ZMIZ1: variants seen among roughly 807,000 people sequenced by gnomAD.
The protein encoded by ZMIZ1 is zinc finger MIZ domain-containing protein 1.
Under a neutral mutation model 113.9 loss-of-function variants are expected in ZMIZ1, and 17 were observed. That is an observed-to-expected ratio of 0.15 (90% CI 0.10 to 0.22). The LOEUF is 0.22. Among genes scored for constraint, ZMIZ1 ranks in the 10% least tolerant of loss-of-function variants. The pLI is 1.00. For synonymous variants in ZMIZ1, 607 were observed against 603.1 expected, an observed-to-expected ratio of 1.01 and a Z score of -0.09; for missense variants, 1,059 against 1,477.8, an observed-to-expected ratio of 0.72 and a Z score of 4.65.
chr10:79,290,987 A>G lies in ZMIZ1; in HGVS notation c.569A>G (p.Asn190Ser), dbSNP rs1853456705. ...CTTGGGAACCCTATGGCCAATGCCA[A>G]CAACCCCATGAATCCAGGCGGCAAC... ...QVLGNPMANA[N>S]NPMNPGGNPM... Residue 190 changes from asparagine to serine, a missense_variant, in exon 10 of 25, where the codon AAC becomes AGC. Asn to Ser is a conservative substitution (Grantham distance 46). Transcript: ENST00000334512. The G allele has an allele frequency of 6.2e-7, 1 of 1,614,144 alleles. No individual in the cohort carries two copies. The highest frequency in any genetic ancestry group is 8.5e-7 in the Non-Finnish European group (1 of 1,180,004).
At chr10:79,150,046 C>T (rs1270695385) in intron 3 of ZMIZ1, among the ~76,000 whole-genome samples, 3 of 152,220 alleles carry the variant, frequency 2.0e-5, no homozygotes, top group Non-Finnish European at 2.9e-5. Context: ...GCTCGGCCCT[C>T]CCTCTCCCCT....
At chr10:79,287,765 T>C (rs1308043585) in intron 8 of ZMIZ1, among the ~76,000 whole-genome samples, 1 of 151,850 alleles carries the variant, frequency 6.6e-6, no homozygotes, top group African/African-American at 2.4e-5. Context: ...AAACACAGAG[T>C]AGAGTGGGGA....
At chr10:79,147,371 G>C (rs1426815782) in intron 3 of ZMIZ1, among the ~76,000 whole-genome samples, 2 of 152,292 alleles carry the variant, frequency 1.3e-5, no homozygotes, top group East Asian at 3.9e-4. Context: ...GAAAGACAGA[G>C]TCCTCACCAG....
chr10:79,124,570 A>G (rs956506592), intron 2 of ZMIZ1, among the ~76,000 whole-genome samples: 2 of 152,224 alleles, frequency 1.3e-5, no homozygotes. Context: ...GGTATCCAAT[A>G]GTGAATCTTC....
rs193272940 is a variant in ZMIZ1, at chr10:79,171,551, C to T, written c.-50+9418C>T. On this transcript the variant is annotated intron_variant, in intron 4 of 24. Transcript: ENST00000334512. The stretch of plus-strand genomic sequence containing the variant: ...CCTACTATTTGTGTGGGTCTGTGCT[C>T]GGCTCTTCAGGAGACAAAGAAACAG... Among the ~76,000 whole-genome samples the T allele has an allele frequency of 2.6e-3, 392 of 152,306 alleles. 1 individual carries two copies. The highest frequency in any genetic ancestry group is 4.7e-3 in the Non-Finnish European group (320 of 68,026).
chr10:79,209,420 A>G (rs1477641932), intron 6 of ZMIZ1, among the ~76,000 whole-genome samples: 1 of 152,232 alleles, frequency 6.6e-6, no homozygotes, highest in Non-Finnish European at 1.5e-5. Flanking sequence ...GTCCCCAGCC[A>G]TGTGGCCTGT....
intron 1 of ZMIZ1, among the ~76,000 whole-genome samples, chr10:79,087,087 T>C (rs1724552373): frequency 6.6e-6 from 1 of 152,278 alleles, no homozygotes; most frequent in African/African-American, 2.4e-5. Context: ...CTACCTGCCT[T>C]AACCCCAGGC....
chr10:79,094,146 C>G (rs554330683), intron 1 of ZMIZ1, among the ~76,000 whole-genome samples: 2 of 152,230 alleles, frequency 1.3e-5, no homozygotes, highest in Non-Finnish European at 2.9e-5. Context: ...AGTAAGAGAG[C>G]GCTGCTGCTG....
chr10:79,243,252 CGCGCCCCGT>C (rs1347076340), intron 7 of ZMIZ1, among the ~76,000 whole-genome samples: 2 of 150,388 alleles, frequency 1.3e-5, no homozygotes, highest in South Asian at 2.1e-4. Flanking sequence ...GTTTCTCCGG[CGCGCCCCGT>C]GCGCCCCCGC....
chr10:79,126,207 T>C (rs946039064), intron 2 of ZMIZ1, among the ~76,000 whole-genome samples: 1 of 152,188 alleles, frequency 6.6e-6, no homozygotes, highest in Non-Finnish European at 1.5e-5. Flanking sequence ...TGGTCAGGGC[T>C]AGGGGCAACG....
At position 79,297,621 on chromosome 10, in the gene ZMIZ1, G is replaced by C. The variant is rs1325871160; in HGVS notation, c.1422G>C (p.Gln474His). The part of the protein sequence containing the change: ...VNMGQYYKPE[Q>H]FNGQNNTFSG... Reference sequence around the variant, plus strand: ...TTATCTTGTTTTAATAGCCAGAACAGTTTAATGGACAAAATAACACGTTCT... The same window carrying C: ...TTATCTTGTTTTAATAGCCAGAACACTTTAATGGACAAAATAACACGTTCT... Residue 474 changes from glutamine (Q) to histidine (H), a missense_variant, in exon 14 of 25, where the codon CAG (glutamine) becomes CAC (histidine). Transcript: ENST00000334512. 6.2e-7 allele frequency: 1 copy of C among 1,614,080 alleles called. No individual in the cohort carries two copies. Among genetic ancestry groups the C allele is most frequent in the East Asian group, 2.2e-5 (1 of 44,888 alleles).
At chr10:79,140,634 C>A (rs1008150495) in intron 3 of ZMIZ1, among the ~76,000 whole-genome samples, 2 of 152,170 alleles carry the variant, frequency 1.3e-5, no homozygotes, top group Admixed American at 1.3e-4. Context: ...TCCACCCATT[C>A]ATCCCTCCAC....
At position 79,182,134 on chromosome 10, in the gene ZMIZ1, G is replaced by A. The variant is rs578118283; in HGVS notation, c.-49-19450G>A. On this transcript the variant is annotated intron_variant, in intron 4 of 24. Transcript: ENST00000334512. ...ACTGTGTGTGTGTATGTGCACATGC[G>A]TGTGTGCATGCATGGACGCACCTCT... is the stretch of plus-strand genomic sequence containing the variant. Among the ~76,000 whole-genome samples the A allele has an allele frequency of 4.6e-5, 7 of 152,348 alleles. No homozygotes were observed. In the South Asian group the frequency reaches 1.4e-3, roughly 32 times the overall value.
At chr10:79,208,601 T>G (rs1340637464) in intron 6 of ZMIZ1, 152 bp downstream of exon 6, 2 of 675,642 alleles carry the variant, frequency 3.0e-6, no homozygotes, top group Admixed American at 2.8e-5. Flanking sequence ...GATGGCCCTA[T>G]TTGGTGTGTC....
chr10:79,140,303 T>C (rs966036831), intron 3 of ZMIZ1, among the ~76,000 whole-genome samples: 9 of 152,202 alleles, frequency 5.9e-5, no homozygotes, highest in African/African-American at 2.2e-4. Flanking sequence ...CCCTGTCAGC[T>C]CTGGGCAAGA....
intron 1 of ZMIZ1, among the ~76,000 whole-genome samples, chr10:79,114,469 G>A (rs1339113919): frequency 9.8e-6 from 1 of 101,870 alleles, no homozygotes; most frequent in East Asian, 3.1e-4. Context: ...GTGTATGTGT[G>A]TGTGTGTCTG....
At chr10:79,307,644 T>C (rs1854815937) in intron 23 of ZMIZ1, 73 bp downstream of exon 23, 1 of 1,495,294 alleles carries the variant, frequency 6.7e-7, no homozygotes, top group African/African-American at 1.4e-5. Flanking sequence ...GGATACCCTG[T>C]TCCCTCCCAG....
chr10:79,299,262 C>T (rs545040138), intron 16 of ZMIZ1, 71 bp downstream of exon 16: 18 of 1,534,794 alleles, frequency 1.2e-5, no homozygotes, highest in African/African-American at 9.6e-5. Context: ...TCCTTGGGCC[C>T]GAGTGGGGCC....
chr10:79,114,170 G>C (rs1027902656), intron 1 of ZMIZ1, among the ~76,000 whole-genome samples: 3 of 152,236 alleles, frequency 2.0e-5, no homozygotes, highest in Admixed American at 6.5e-5. Context: ...CCAGGTTGCC[G>C]GAGTGATCAC....
Sources: allele counts gnomAD v4.1 joint callset (sites outside exome capture counted in the v4.1 genomes callset), GRCh38; gene constraint gnomAD v4.1.1; transcripts MANE v1.5; gene names NCBI Gene and HGNC (gene_info 2026-07-23, HGNC 2026-07-21).